NLGN1: variants seen among roughly 807,000 people sequenced by gnomAD.
NLGN1 encodes the protein neuroligin-1.
NLGN1 carries 12 observed loss-of-function variants against 65.5 expected under a neutral mutation model. The observed-to-expected ratio is 0.18, with a 90% CI of 0.12 to 0.30. The LOEUF (loss-of-function observed/expected upper bound fraction) is 0.30, where lower values mean the gene tolerates loss of function less well. Ranked by LOEUF, NLGN1 falls within the 10% of genes least tolerant of loss-of-function variation. The pLI is 1.00. For synonymous variants in NLGN1, 350 were observed against 359.5 expected (o/e 0.97, Z 0.30); for missense variants, 750 against 1,007.1 (o/e 0.74, Z 3.46).
At chr3:173,991,531 T>C (rs917136278) in intron 4 of NLGN1, among the ~76,000 whole-genome samples, 1 of 152,208 alleles carries the variant, frequency 6.6e-6, no homozygotes, top group African/African-American at 2.4e-5. Context: ...TATTGAGCAC[T>C]TGATATGTGG....
chr3:173,596,214 C>T (rs528606597), intron 2 of NLGN1, among the ~76,000 whole-genome samples: 3 of 151,660 alleles, frequency 2.0e-5, no homozygotes, highest in African/African-American at 7.3e-5. Flanking sequence ...TGGAGAGGTA[C>T]ATTTAGTGTG....
intron 3 of NLGN1, among the ~76,000 whole-genome samples, chr3:173,628,972 G>C (rs1195896897): frequency 2.1e-5 from 3 of 144,274 alleles, no homozygotes; most frequent in Non-Finnish European, 4.5e-5. Flanking sequence ...GGGATTACAC[G>C]CTGAATATAA....
At chr3:173,513,035 C>T (rs1320861867) in intron 2 of NLGN1, among the ~76,000 whole-genome samples, 1 of 152,142 alleles carries the variant, frequency 6.6e-6, no homozygotes, top group Non-Finnish European at 1.5e-5. Context: ...CCCCCACCTC[C>T]CAAAGTGGGC....
At chr3:174,215,661 TAATG>T (rs1284259112) in intron 4 of NLGN1, among the ~76,000 whole-genome samples, 1 of 152,152 alleles carries the variant, frequency 6.6e-6, no homozygotes, top group Non-Finnish European at 1.5e-5. Context: ...CAGTGATTCA[TAATG>T]GCATTTGGAG....
chr3:173,614,739 C>G (rs1752803292), intron 3 of NLGN1, among the ~76,000 whole-genome samples: 1 of 152,106 alleles, frequency 6.6e-6, no homozygotes, highest in South Asian at 2.1e-4. Flanking sequence ...CCCACTTGGA[C>G]AGCTTCCTCA....
At chr3:173,439,732 T>C (rs1306362950) in intron 2 of NLGN1, among the ~76,000 whole-genome samples, 2 of 152,156 alleles carry the variant, frequency 1.3e-5, no homozygotes, top group Non-Finnish European at 1.5e-5. Context: ...GCAAAATACG[T>C]ATCTTAATTT....
intron 3 of NLGN1, among the ~76,000 whole-genome samples, chr3:173,673,690 A>C (rs1762752424): frequency 6.6e-6 from 1 of 152,192 alleles, no homozygotes; most frequent in African/African-American, 2.4e-5. Context: ...TAAACATCAC[A>C]ATGCAACCTC....
chr3:173,407,670 A>G (rs867008879), intron 1 of NLGN1, among the ~76,000 whole-genome samples: 3 of 152,180 alleles, frequency 2.0e-5, no homozygotes, highest in East Asian at 3.9e-4. Flanking sequence ...TTGCTTGCAT[A>G]AAAGCAATAA....
chr3:173,613,114 A>C (rs1037883550), intron 3 of NLGN1, among the ~76,000 whole-genome samples: 6 of 152,140 alleles, frequency 3.9e-5, no homozygotes, highest in Admixed American at 3.3e-4. Flanking sequence ...ACACAATTCA[A>C]CCTATAACTG....
intron 3 of NLGN1, among the ~76,000 whole-genome samples, chr3:173,665,666 A>G (rs974791800): frequency 4.6e-5 from 7 of 152,208 alleles, no homozygotes; most frequent in African/African-American, 1.7e-4. Flanking sequence ...GTATGTATTC[A>G]GAAATAGTTG....
At chr3:173,426,394 A>G (rs753659779) in intron 1 of NLGN1, among the ~76,000 whole-genome samples, 1 of 151,978 alleles carries the variant, frequency 6.6e-6, no homozygotes, top group Non-Finnish European at 1.5e-5. Flanking sequence ...GAAACTAGGT[A>G]TCTTTTTCGT....
chr3:173,639,438 T>G (rs1043313187), intron 3 of NLGN1, among the ~76,000 whole-genome samples: 6 of 152,202 alleles, frequency 3.9e-5, no homozygotes, highest in Non-Finnish European at 8.8e-5. Flanking sequence ...CTGGGTAGCC[T>G]TTCAGCCTTC....
intron 4 of NLGN1, among the ~76,000 whole-genome samples, chr3:173,922,327 A>G (rs57648166): frequency 0.026 from 3,958 of 152,162 alleles, 181 homozygotes; most frequent in East Asian, 0.17. Context: ...AAAAGACACA[A>G]ATATAGTTTA....
chr3:173,955,257 T>G (rs1711708759), intron 4 of NLGN1, among the ~76,000 whole-genome samples: 1 of 152,170 alleles, frequency 6.6e-6, no homozygotes, highest in Non-Finnish European at 1.5e-5. Context: ...TGGGCAAAAT[T>G]TGGTATGTGA....
intron 3 of NLGN1, among the ~76,000 whole-genome samples, chr3:173,678,607 A>G (rs993298): frequency 0.46 from 69,186 of 151,816 alleles, 17,512 homozygotes; most frequent in African/African-American, 0.7. Context: ...AGCGACTATA[A>G]AGTAAAGAAG....
At chr3:173,578,385 T>A (rs1399158530) in intron 2 of NLGN1, among the ~76,000 whole-genome samples, 1 of 152,182 alleles carries the variant, frequency 6.6e-6, no homozygotes, top group Non-Finnish European at 1.5e-5. Context: ...TAGTGTTTAC[T>A]TTTAATTATG....
At chr3:173,657,260 C>G (rs1161055840) in intron 3 of NLGN1, among the ~76,000 whole-genome samples, 2 of 151,950 alleles carry the variant, frequency 1.3e-5, no homozygotes, top group Non-Finnish European at 2.9e-5. Context: ...CTCCTTCTAT[C>G]TTTAGATTTG....
intron 4 of NLGN1, among the ~76,000 whole-genome samples, chr3:174,039,838 A>AG (rs1390069446): frequency 6.6e-6 from 1 of 152,156 alleles, no homozygotes; most frequent in Non-Finnish European, 1.5e-5. Context: ...AGAAACGCTG[A>AG]GAGGTAACAA....
chr3:174,061,213 G>T (rs951072446), intron 4 of NLGN1, among the ~76,000 whole-genome samples: 1 of 152,080 alleles, frequency 6.6e-6, no homozygotes, highest in Non-Finnish European at 1.5e-5. Flanking sequence ...AGCCAATGAG[G>T]TTGGGAAGAA....
Sources: gnomAD v4.1 joint callset for allele counts (sites outside exome capture counted in the v4.1 genomes callset) on GRCh38, gnomAD v4.1.1 for gene constraint, MANE v1.5 for transcripts, NCBI Gene and HGNC (gene_info 2026-07-23, HGNC 2026-07-21) for gene names.